Variants in ZNF385D observed in about 807,000 individuals in gnomAD.
ZNF385D encodes the protein zinc finger protein 385D.
ZNF385D carries 15 observed loss-of-function variants against 35.8 expected under a neutral mutation model. That is an observed-to-expected ratio of 0.42 (90% confidence interval 0.28 to 0.64). The LOEUF is 0.64. Ranked by LOEUF, ZNF385D falls within the 30% of genes least tolerant of loss-of-function variation. The pLI is 0.23. For synonymous variants in ZNF385D, 212 were observed against 186.8 expected (o/e 1.13, Z -1.10); for missense variants, 474 against 494.6 (o/e 0.96, Z 0.39).
intron 3 of ZNF385D, among the ~76,000 whole-genome samples, chr3:22,000,232 G>C (rs920030902): frequency 1.3e-5 from 2 of 152,040 alleles, no homozygotes; most frequent in African/African-American, 4.8e-5. Context: ...TTGAACCCAG[G>C]AGGTGGAGCT....
chr3:22,120,673 C>T (rs1172194822), intron 3 of ZNF385D, among the ~76,000 whole-genome samples: 2 of 152,102 alleles, frequency 1.3e-5, no homozygotes, highest in Non-Finnish European at 2.9e-5. Context: ...AACGTATTCA[C>T]CTAAATTTAG....
At chr3:21,738,672 C>G (rs2069363602) in intron 1 of ZNF385D, among the ~76,000 whole-genome samples, 1 of 152,104 alleles carries the variant, frequency 6.6e-6, no homozygotes. Flanking sequence ...ATCACTTGGC[C>G]TCTATTTTTC....
At chr3:22,308,914 G>A (rs1703385098) in intron 2 of ZNF385D, among the ~76,000 whole-genome samples, 1 of 151,938 alleles carries the variant, frequency 6.6e-6, no homozygotes, top group Non-Finnish European at 1.5e-5. Flanking sequence ...TAATAAATTT[G>A]AAAAATTTGC....
At chr3:21,889,312 G>A (rs1488288218) in intron 3 of ZNF385D, among the ~76,000 whole-genome samples, 1 of 152,156 alleles carries the variant, frequency 6.6e-6, no homozygotes, top group Non-Finnish European at 1.5e-5. Flanking sequence ...AGCTAGAAGG[G>A]CAAGGAGACC....
intron 3 of ZNF385D, among the ~76,000 whole-genome samples, chr3:21,872,915 T>C (rs1697767386): frequency 6.6e-6 from 1 of 152,244 alleles, no homozygotes; most frequent in East Asian, 1.9e-4. Context: ...TTAACTAGTA[T>C]TTATAGTTCA....
chr3:21,879,289 G>A (rs963907263), intron 3 of ZNF385D, among the ~76,000 whole-genome samples: 1 of 152,000 alleles, frequency 6.6e-6, no homozygotes. Context: ...CCAAACTAGT[G>A]TTGTCTAAGT....
At chr3:21,665,592 C>A (rs376408499) in intron 1 of ZNF385D, among the ~76,000 whole-genome samples, 1 of 152,176 alleles carries the variant, frequency 6.6e-6, no homozygotes, top group African/African-American at 2.4e-5. Context: ...AGTGCTACGA[C>A]GATGTCTGAA....
chr3:21,758,809 G>C (rs1489612082), intron 3 of ZNF385D, among the ~76,000 whole-genome samples: 2 of 151,026 alleles, frequency 1.3e-5, no homozygotes, highest in African/African-American at 2.4e-5. Flanking sequence ...ACCTAGTTTT[G>C]TATGAGGCAG....
chr3:21,892,416 T>C (rs1698915188), intron 3 of ZNF385D, among the ~76,000 whole-genome samples: 1 of 152,162 alleles, frequency 6.6e-6, no homozygotes, highest in Non-Finnish European at 1.5e-5. Context: ...GAGAAATCAT[T>C]TTCAAAGTGT....
At chr3:21,813,720 GTCTGATTGGTGTACC>G (rs1206277801) in intron 3 of ZNF385D, among the ~76,000 whole-genome samples, 6 of 152,136 alleles carry the variant, frequency 3.9e-5, no homozygotes, top group African/African-American at 1.4e-4. Context: ...CCAAATCTAC[GTCTGATTGGTGTACC>G]TGACAGTGAC....
At chr3:22,143,020 A>C (rs75410056) in intron 3 of ZNF385D, among the ~76,000 whole-genome samples, 1 of 151,856 alleles carries the variant, frequency 6.6e-6, no homozygotes, top group African/African-American at 2.4e-5. Context: ...ATAATAATAA[A>C]AAAAAAAGAG....
At chr3:21,752,217 T>A (rs949508857), upstream of ZNF385D, among the ~76,000 whole-genome samples, 1 of 152,010 alleles carries the variant, frequency 6.6e-6, no homozygotes, top group Non-Finnish European at 1.5e-5. Context: ...AAAAATAAAC[T>A]CATACAGCAA....
chr3:22,237,867 C>T (rs1288822809), intron 2 of ZNF385D, among the ~76,000 whole-genome samples: 2 of 151,260 alleles, frequency 1.3e-5, no homozygotes, highest in African/African-American at 4.9e-5. Context: ...TGGTCTCGAT[C>T]TCCTGATCTT....
At chr3:21,761,941 C>T (rs548919440) in intron 3 of ZNF385D, among the ~76,000 whole-genome samples, 9 of 126,580 alleles carry the variant, frequency 7.1e-5, no homozygotes, top group Non-Finnish European at 1.1e-4. Context: ...TGCAGTGGCG[C>T]GATCTCGGCT....
chr3:22,118,683 A>G (rs1263508023), intron 3 of ZNF385D, among the ~76,000 whole-genome samples: 2 of 152,134 alleles, frequency 1.3e-5, no homozygotes, highest in African/African-American at 2.4e-5. Flanking sequence ...TAAGACAAAC[A>G]AAGAGCAGAT....
At chr3:21,943,367 A>T (rs1286005844) in intron 3 of ZNF385D, among the ~76,000 whole-genome samples, 1 of 151,564 alleles carries the variant, frequency 6.6e-6, no homozygotes, top group Non-Finnish European at 1.5e-5. Context: ...GTAATTATTT[A>T]TTTGACTTAT....
intron 2 of ZNF385D, among the ~76,000 whole-genome samples, chr3:22,341,623 A>C (rs1362929290): frequency 6.6e-6 from 1 of 152,212 alleles, no homozygotes; most frequent in Non-Finnish European, 1.5e-5. Context: ...CTCCTCCATT[A>C]CTATTCACTA....
At chr3:22,068,280 G>A (rs751948310) in intron 3 of ZNF385D, among the ~76,000 whole-genome samples, 2 of 151,894 alleles carry the variant, frequency 1.3e-5, no homozygotes, top group Non-Finnish European at 1.5e-5. Context: ...TAGTAATACT[G>A]TGTCTCTTCA....
Position 22,229,611 on chromosome 3 carries a change from T to C in ZNF385D, c.107-60576A>G, listed in dbSNP as rs115016414. Among the ~76,000 whole-genome samples, 809 of 152,332 alleles carry C rather than the reference T, an allele frequency of 5.3e-3. 5 individuals are homozygous for C. Among genetic ancestry groups the C allele is most frequent in the African/African-American group, 0.018 (762 of 41,572 alleles). ...TAGAAGTTATTTCCTCACAGCCATT[T>C]GTAAGCCTCTTCCTGTATGCTGTCG... On this transcript the variant is annotated intron_variant, in intron 2 of 5. Transcript: ENST00000494108.
Sources: gnomAD v4.1 joint callset for allele counts (sites outside exome capture counted in the v4.1 genomes callset) on GRCh38, gnomAD v4.1.1 for gene constraint, MANE v1.5 for transcripts, NCBI Gene and HGNC (gene_info 2026-07-23, HGNC 2026-07-21) for gene names.